The following KIF26B variants were observed in gnomAD, a reference collection of about 807,000 sequenced individuals.
KIF26B encodes the protein kinesin-like protein KIF26B.
A neutral mutation model predicts 151.2 loss-of-function variants in KIF26B; 63 were observed. The ratio of observed to expected loss-of-function variants is 0.42; its 90% confidence interval spans 0.34 to 0.51. KIF26B has a LOEUF of 0.51. KIF26B is among the 20% of genes least tolerant of loss of function. The pLI is 0.07. For missense variants in KIF26B, 2,813 were observed against 2,913.6 expected (o/e 0.97, Z 0.79); for synonymous variants, 1,357 against 1,262.1 (o/e 1.08, Z -1.59).
chr1:245,414,357 C>T (rs544058193), intron 3 of KIF26B, among the ~76,000 whole-genome samples: 37 of 152,196 alleles, frequency 2.4e-4, no homozygotes, highest in Non-Finnish European at 4.6e-4. Flanking sequence ...GTCAACTCCT[C>T]AAGTCCCTCA....
intron 7 of KIF26B, 110 bp from the exon 8 acceptor site, chr1:245,609,156 T>C (rs919151298): frequency 1.3e-5 from 13 of 1,019,034 alleles, no homozygotes; most frequent in Non-Finnish European, 1.8e-5. Flanking sequence ...TCTTCCCTTT[T>C]CCCCCCTTCC....
chr1:245,256,558 C>G (rs1178086674), intron 2 of KIF26B, among the ~76,000 whole-genome samples: 1 of 152,148 alleles, frequency 6.6e-6, no homozygotes, highest in Non-Finnish European at 1.5e-5. Context: ...TTGTAAGACC[C>G]AGGTGGGTAT....
chr1:245,465,254 A>G (rs1017841207), intron 4 of KIF26B, among the ~76,000 whole-genome samples: 2 of 152,182 alleles, frequency 1.3e-5, no homozygotes, highest in Non-Finnish European at 2.9e-5. Context: ...CTGGGATCAC[A>G]GGCGTGAGCC....
chr1:245,346,065 C>T (rs1361580954), intron 2 of KIF26B, among the ~76,000 whole-genome samples: 2 of 151,336 alleles, frequency 1.3e-5, no homozygotes, highest in Admixed American at 6.6e-5. Context: ...CCCGAGTAGC[C>T]GGGATTACAG....
rs1369026512 is a variant in KIF26B, at chr1:245,529,148, G to T, written c.1167-11619G>T. ...GTCATACAAAATATTAAAGGAAGCT[G>T]TGAAGATCGGTTGCAGTGTCTGCTA... On this transcript the variant is annotated intron_variant, in intron 4 of 14. Coordinates refer to ENST00000407071, the MANE Select transcript of KIF26B (RefSeq NM_018012.4). 2.6e-5 allele frequency among the ~76,000 whole-genome samples: 4 copies of T among 152,172 alleles called. No individual in the cohort carries two copies. The East Asian group carries it at 7.7e-4, about 29-fold the overall frequency.
At position 245,168,800 on chromosome 1, in the gene KIF26B, G is replaced by A. The variant is rs186581460; in HGVS notation, c.465+12117G>A. Among the ~76,000 whole-genome samples the A allele has an allele frequency of 2.6e-3, 395 of 152,216 alleles. 4 individuals are homozygous for A. The highest frequency in any genetic ancestry group is 9.6e-4 in the Non-Finnish European group (65 of 68,010). On this transcript the variant is annotated intron_variant, in intron 2 of 14. Transcript: ENST00000407071. The stretch of plus-strand genomic sequence containing the variant: ...GCCCCTGACGTGGGTTTAATGCCCC[G>A]TAGTGTTTGATGCTGTGGTCTGGGA...
Position 245,369,168 on chromosome 1 carries a change from TGAGAGAGA to T in KIF26B, c.999+1824_999+1831del, listed in dbSNP as rs112848389. Among the ~76,000 whole-genome samples, 202 of 135,858 alleles carry T rather than the reference TGAGAGAGA, an allele frequency of 1.5e-3. 2 individuals carry two copies. In the East Asian group the frequency reaches 0.027, roughly 18 times the overall value. The allele number at this position is 135,858 out of a possible 152,430, so 89.1% of individuals were successfully genotyped here. A position where few individuals can be genotyped will look rare whatever the true frequency, so the allele number is the denominator to read the frequency against. ...ACTCTGAATTGGGAAAAAAGAAGAG[TGAGAGAGA>T]GAGAGAGAGAGAGAGAGAGAGACAG... On this transcript the variant is annotated intron_variant, in intron 3 of 14. Transcript: ENST00000407071.
At chr1:245,654,111 G>A in intron 10 of KIF26B, among the ~76,000 whole-genome samples, 1 of 152,170 alleles carries the variant, frequency 6.6e-6, no homozygotes, top group Non-Finnish European at 1.5e-5. Context: ...AGGGCTGATG[G>A]TAGCCAATTC....
At chr1:245,646,088 A>C (rs1266005961) in intron 9 of KIF26B, 33 bp from the exon 10 acceptor site, 1 of 1,606,680 alleles carries the variant, frequency 6.2e-7, no homozygotes, top group South Asian at 1.1e-5. Flanking sequence ...TCAGAACTTA[A>C]CCATTTCTCT....
At chr1:245,260,972 A>C (rs1238173943) in intron 2 of KIF26B, among the ~76,000 whole-genome samples, 1 of 151,692 alleles carries the variant, frequency 6.6e-6, no homozygotes, top group Non-Finnish European at 1.5e-5. Flanking sequence ...ACAGATGTCA[A>C]CTCTTGCCTG....
intron 9 of KIF26B, among the ~76,000 whole-genome samples, chr1:245,625,146 C>G (rs2043710022): frequency 6.6e-6 from 1 of 152,172 alleles, no homozygotes; most frequent in Admixed American, 6.5e-5. Flanking sequence ...CAATACCACA[C>G]TGTTTTGATT....
intron 5 of KIF26B, among the ~76,000 whole-genome samples, chr1:245,562,005 C>T (rs964371876): frequency 2.0e-5 from 3 of 152,116 alleles, no homozygotes; most frequent in African/African-American, 4.8e-5. Flanking sequence ...TCTCCCAGGG[C>T]CGTTGCGGAT....
At chr1:245,447,580 G>A (rs948573481) in intron 4 of KIF26B, among the ~76,000 whole-genome samples, 3 of 152,034 alleles carry the variant, frequency 2.0e-5, no homozygotes, top group South Asian at 2.1e-4. Context: ...GGTGGGAGGC[G>A]GGGCTGGACT....
At chr1:245,586,719 T>TA (rs540579369) in intron 5 of KIF26B, among the ~76,000 whole-genome samples, 20 of 149,850 alleles carry the variant, frequency 1.3e-4, no homozygotes, top group Non-Finnish European at 2.8e-4. Context: ...CCGTCTCTAC[T>TA]AAAAAAAATA....
chr1:245,498,602 C>T (rs923833746), intron 4 of KIF26B, among the ~76,000 whole-genome samples: 3 of 152,188 alleles, frequency 2.0e-5, no homozygotes, highest in East Asian at 3.9e-4. Flanking sequence ...GAGCTTTCTT[C>T]CTGAAAAGAT....
intron 4 of KIF26B, among the ~76,000 whole-genome samples, chr1:245,455,499 C>G (rs555102818): frequency 6.6e-6 from 1 of 152,068 alleles, no homozygotes; most frequent in Non-Finnish European, 1.5e-5. Flanking sequence ...TGAGATCTGT[C>G]TGAAAAAAAC....
chr1:245,594,559 T>C (rs971098625), intron 5 of KIF26B, among the ~76,000 whole-genome samples: 2 of 152,226 alleles, frequency 1.3e-5, no homozygotes, highest in Non-Finnish European at 2.9e-5. Context: ...CATGCTGTTT[T>C]GGTTAGTGTA....
intron 12 of KIF26B, 106 bp from the exon 13 acceptor site, chr1:245,698,000 C>T (rs544685212): frequency 2.0e-6 from 2 of 999,098 alleles, no homozygotes; most frequent in Non-Finnish European, 2.9e-6. Flanking sequence ...ATGGATCGCA[C>T]CACTGCACTC....
chr1:245,579,310 AG>A (rs1396374246), intron 5 of KIF26B, among the ~76,000 whole-genome samples: 2 of 152,148 alleles, frequency 1.3e-5, no homozygotes, highest in African/African-American at 2.4e-5. Flanking sequence ...GAAATTTTCT[AG>A]GAAAAAAAAA....
Sources: gnomAD v4.1 joint callset for allele counts (sites outside exome capture counted in the v4.1 genomes callset) on GRCh38, gnomAD v4.1.1 for gene constraint, MANE v1.5 for transcripts, NCBI Gene and HGNC (gene_info 2026-07-23, HGNC 2026-07-21) for gene names.